NTN1: variants seen among roughly 807,000 people sequenced by gnomAD.
NTN1 encodes the protein netrin-1.
A neutral mutation model predicts 54.2 loss-of-function variants in NTN1; 11 were observed. The observed-to-expected ratio is 0.20, with a 90% CI of 0.13 to 0.34. The LOEUF is 0.34. Among genes scored for constraint, NTN1 ranks in the 10% least tolerant of loss-of-function variants. The probability of loss-of-function intolerance (pLI) is 1.00; values close to 1 mark genes in which losing one functional copy is unlikely to be tolerated. For missense variants in NTN1, 740 were observed against 893.1 expected, an observed-to-expected ratio of 0.83 and a Z score of 2.18; for synonymous variants, 371 against 382.0, an observed-to-expected ratio of 0.97 and a Z score of 0.33.
chr17:9,122,768 G>T (rs1195496951), intron 2 of NTN1, among the ~76,000 whole-genome samples: 3 of 152,214 alleles, frequency 2.0e-5, no homozygotes, highest in African/African-American at 4.8e-5. Flanking sequence ...CTGTTGCCTG[G>T]TGGACCTTTT....
chr17:9,139,791 CTACT>C (rs2092292019), intron 2 of NTN1, among the ~76,000 whole-genome samples: 1 of 152,116 alleles, frequency 6.6e-6, no homozygotes, highest in Admixed American at 6.6e-5. Flanking sequence ...ACCTACCTAC[CTACT>C]CACTTATCCA....
intron 4 of NTN1, among the ~76,000 whole-genome samples, chr17:9,180,773 G>A (rs1283940773): frequency 2.0e-5 from 3 of 152,112 alleles, no homozygotes; most frequent in Non-Finnish European, 2.9e-5. Flanking sequence ...ACAGCTGTTC[G>A]CAGGGGCTCG....
At chr17:9,226,962 C>G (rs559281987) in intron 6 of NTN1, among the ~76,000 whole-genome samples, 1 of 152,104 alleles carries the variant, frequency 6.6e-6, no homozygotes, top group African/African-American at 2.4e-5. Flanking sequence ...CCCCCGAGGC[C>G]CCGCCTCACA....
At chr17:9,060,974 C>CAAA (rs10689277) in intron 2 of NTN1, among the ~76,000 whole-genome samples, 4,074 of 108,764 alleles carry the variant, frequency 0.037, 425 homozygotes, top group African/African-American at 0.13. Flanking sequence ...GACTCTGTCT[C>CAAA]AAAAAAAAAA....
At chr17:9,081,657 A>T (rs1313446488) in intron 2 of NTN1, among the ~76,000 whole-genome samples, 1 of 152,226 alleles carries the variant, frequency 6.6e-6, no homozygotes, top group African/African-American at 2.4e-5. Context: ...CTCTGGCCTC[A>T]GGTGGGCCTT....
chr17:9,132,634 G>T (rs570565646), intron 2 of NTN1, among the ~76,000 whole-genome samples: 1 of 152,286 alleles, frequency 6.6e-6, no homozygotes, highest in East Asian at 1.9e-4. Context: ...CACCACTTTG[G>T]GGGGCTGAGG....
chr17:9,038,014 G>A (rs1430392674), intron 2 of NTN1, among the ~76,000 whole-genome samples: 1 of 152,070 alleles, frequency 6.6e-6, no homozygotes, highest in Non-Finnish European at 1.5e-5. Flanking sequence ...CAGCTCCCAG[G>A]CCTCCTTGCT....
chr17:9,024,011 T>C (rs2091862319), intron 2 of NTN1, among the ~76,000 whole-genome samples: 1 of 152,272 alleles, frequency 6.6e-6, no homozygotes, highest in Non-Finnish European at 1.5e-5. Flanking sequence ...TACTATCTGC[T>C]GATTACAACG....
At chr17:9,232,559 C>T (rs773806222) in intron 6 of NTN1, among the ~76,000 whole-genome samples, 2 of 152,170 alleles carry the variant, frequency 1.3e-5, no homozygotes, top group Non-Finnish European at 2.9e-5. Flanking sequence ...AACCTTCAGC[C>T]AGCTCTACGT....
chr17:9,194,353 TC>T (rs1904565258), intron 5 of NTN1, among the ~76,000 whole-genome samples: 1 of 152,360 alleles, frequency 6.6e-6, no homozygotes, highest in Admixed American at 6.5e-5. Context: ...TGGAAAGTGT[TC>T]CCTGTGTGGT....
rs559565756 is a variant in NTN1, at chr17:9,189,998, A to G, written c.1411+7029A>G. 2.6e-5 allele frequency among the ~76,000 whole-genome samples: 4 copies of G among 152,230 alleles called. No individual in the cohort carries two copies. The East Asian group carries it at 7.7e-4, about 29-fold the overall frequency. The stretch of plus-strand genomic sequence containing the variant: ...ATGGGTGAGCATAAAGAAACCCAAA[A>G]CCCCCACTGGCAAAGAATCAGCCGA... On this transcript the variant is annotated intron_variant, in intron 5 of 6. Coordinates refer to ENST00000173229, the MANE Select transcript of NTN1 (RefSeq NM_004822.3).
At chr17:9,127,663 C>CAGGTA (rs1408767228) in intron 2 of NTN1, among the ~76,000 whole-genome samples, 2 of 151,598 alleles carry the variant, frequency 1.3e-5, no homozygotes, top group Non-Finnish European at 2.9e-5. Context: ...GGCAAGTGAC[C>CAGGTA]AGGTACCCCA....
At chr17:9,186,487 G>C (rs957623913) in intron 5 of NTN1, among the ~76,000 whole-genome samples, 2 of 152,226 alleles carry the variant, frequency 1.3e-5, no homozygotes, top group Non-Finnish European at 2.9e-5. Context: ...CAGGGATCCC[G>C]GGTCCTCTCT....
intron 2 of NTN1, among the ~76,000 whole-genome samples, chr17:9,056,979 C>A (rs1474456161): frequency 6.6e-6 from 1 of 152,112 alleles, no homozygotes; most frequent in Non-Finnish European, 1.5e-5. Flanking sequence ...ACAGAGGCCC[C>A]CCTGTGATGT....
intron 2 of NTN1, among the ~76,000 whole-genome samples, chr17:9,132,680 G>T (rs1356673558): frequency 6.6e-6 from 1 of 152,064 alleles, no homozygotes; most frequent in Admixed American, 6.5e-5. Flanking sequence ...TTCAAGACCA[G>T]CCTGACCAAC....
chr17:9,194,650 T>TAAA (rs1904573804), intron 5 of NTN1, among the ~76,000 whole-genome samples: 1 of 152,008 alleles, frequency 6.6e-6, no homozygotes. Flanking sequence ...CCAGTTGTGA[T>TAAA]AATTAAGTGT....
chr17:9,210,517 T>G (rs1367181806), intron 5 of NTN1, among the ~76,000 whole-genome samples: 1 of 151,994 alleles, frequency 6.6e-6, no homozygotes, highest in Admixed American at 6.6e-5. Flanking sequence ...CAGCAGAAGC[T>G]CTATAGATTG....
At chr17:9,226,489 C>CA (rs1905562469) in intron 6 of NTN1, among the ~76,000 whole-genome samples, 1 of 31,100 alleles carries the variant, frequency 3.2e-5, no homozygotes, top group African/African-American at 3.7e-4. Flanking sequence ...GGGAGGCGGT[C>CA]TCGTGGGGAG....
intron 5 of NTN1, among the ~76,000 whole-genome samples, chr17:9,203,980 G>A (rs1032275396): frequency 6.6e-6 from 1 of 152,132 alleles, no homozygotes; most frequent in African/African-American, 2.4e-5. Flanking sequence ...TGTTCTGAGG[G>A]TGAAACAGAT....
Sources: gnomAD v4.1 joint callset for allele counts (sites outside exome capture counted in the v4.1 genomes callset) on GRCh38, gnomAD v4.1.1 for gene constraint, MANE v1.5 for transcripts, NCBI Gene and HGNC (gene_info 2026-07-23, HGNC 2026-07-21) for gene names.